The following CACNA2D3 variants were observed in gnomAD, a reference collection of about 807,000 sequenced individuals.
CACNA2D3 encodes the protein calcium voltage-gated channel auxiliary subunit alpha2delta 3.
A neutral mutation model predicts 160.6 loss-of-function variants in CACNA2D3; 60 were observed. The ratio of observed to expected loss-of-function variants is 0.37; its 90% CI spans 0.30 to 0.46. The LOEUF (loss-of-function observed/expected upper bound fraction) is 0.46, where lower values mean the gene tolerates loss of function less well. Among genes scored for constraint, CACNA2D3 ranks in the 20% least tolerant of loss-of-function variants. The pLI is 1.00. For missense variants in CACNA2D3, 1,205 were observed against 1,365.0 expected (o/e 0.88, Z 1.85); for synonymous variants, 558 against 492.9 (o/e 1.13, Z -1.75).
intron 35 of CACNA2D3, among the ~76,000 whole-genome samples, chr3:55,040,152 G>A (rs1049096266): frequency 2.0e-5 from 3 of 152,014 alleles, no homozygotes; most frequent in Non-Finnish European, 1.5e-5. Flanking sequence ...GTTCGTCTCT[G>A]GTTTCTTCTT....
intron 2 of CACNA2D3, among the ~76,000 whole-genome samples, chr3:54,298,945 A>T (rs1278500481): frequency 4.3e-3 from 15 of 3,460 alleles, no homozygotes; most frequent in Admixed American, 0.018. Context: ...TCTGTTTCTT[A>T]AAAAAAAAAA....
At chr3:54,342,610 C>G (rs544010453) in intron 3 of CACNA2D3, among the ~76,000 whole-genome samples, 1 of 152,148 alleles carries the variant, frequency 6.6e-6, no homozygotes. Flanking sequence ...CTTGTGTTCC[C>G]TCCAAACCAG....
chr3:55,063,642 G>A lies in CACNA2D3; in HGVS notation c.2988-9803G>A, dbSNP rs985765564. ...ATGTTGGACAGGAAGGTGGCTTTGG[G>A]GCTGGGATGGTTGAACACGTCAGGC... On this transcript the variant is annotated intron_variant, in intron 35 of 37. Transcript: ENST00000474759. Among the ~76,000 whole-genome samples the A allele has an allele frequency of 8.5e-5, 13 of 152,234 alleles. No homozygotes were observed. The East Asian group carries it at 2.5e-3, about 30-fold the overall frequency.
chr3:54,436,442 G>C (rs1033387590), intron 4 of CACNA2D3, among the ~76,000 whole-genome samples: 1 of 152,192 alleles, frequency 6.6e-6, no homozygotes, highest in Non-Finnish European at 1.5e-5. Flanking sequence ...ATACCCAAAG[G>C]ATTGTAAATC....
intron 13 of CACNA2D3, among the ~76,000 whole-genome samples, chr3:54,765,743 T>C (rs977154803): frequency 6.6e-6 from 1 of 152,186 alleles, no homozygotes; most frequent in Admixed American, 6.5e-5. Flanking sequence ...ACACAGTTTC[T>C]ACAATTAAAA....
chr3:54,770,772 T>C (rs1232535819), intron 13 of CACNA2D3, among the ~76,000 whole-genome samples: 1 of 152,214 alleles, frequency 6.6e-6, no homozygotes, highest in East Asian at 1.9e-4. Context: ...TTGATGCCAG[T>C]GGTAATTTTA....
chr3:54,866,915 G>C (rs72876010), intron 17 of CACNA2D3, among the ~76,000 whole-genome samples: 2 of 152,076 alleles, frequency 1.3e-5, no homozygotes, highest in African/African-American at 4.8e-5. Context: ...ACTCCACCTC[G>C]AAGTATTTCA....
rs577862984 is a variant in CACNA2D3, at chr3:54,253,078, A to T, written c.205-67364A>T. ...TGAAATTGGTCCTTTAATATTAAAG[A>T]TTCAAAACTGCCCTGAGTTTAACCA... On this transcript the variant is annotated intron_variant, in intron 2 of 37. Coordinates refer to ENST00000474759, the MANE Select transcript of CACNA2D3 (RefSeq NM_018398.3). 1.2e-4 allele frequency among the ~76,000 whole-genome samples: 18 copies of T among 149,388 alleles called. No homozygotes were observed. In the East Asian group the frequency reaches 3.3e-3, roughly 28 times the overall value.
In CACNA2D3 at chr3:55,062,951, A is replaced by G. The variant is rs189460219; in HGVS notation, c.2988-10494A>G. Among the ~76,000 whole-genome samples, 422 of 152,346 alleles carry G rather than the reference A, an allele frequency of 2.8e-3. 1 individual carries two copies. The highest frequency in any genetic ancestry group is 5.0e-3 in the Non-Finnish European group (337 of 68,032). Reference sequence around the variant, plus strand: ...TCCTAGTCATTTCCAGTGTAGCAGTACAAGGATGGCAAAGTCGCTGTGAGC... The same window carrying G: ...TCCTAGTCATTTCCAGTGTAGCAGTGCAAGGATGGCAAAGTCGCTGTGAGC... On this transcript the variant is annotated intron_variant, in intron 35 of 37. Transcript: ENST00000474759.
chr3:54,492,081 G>A (rs1001431257), intron 4 of CACNA2D3, among the ~76,000 whole-genome samples: 1 of 152,140 alleles, frequency 6.6e-6, no homozygotes, highest in African/African-American at 2.4e-5. Context: ...AGATAAACTG[G>A]TGATTAGGCC....
intron 2 of CACNA2D3, among the ~76,000 whole-genome samples, chr3:54,279,815 C>T (rs1702829275): frequency 6.6e-6 from 1 of 152,166 alleles, no homozygotes; most frequent in South Asian, 2.1e-4. Flanking sequence ...GTAGCTGCCT[C>T]AACTCCATGT....
At chr3:54,788,741 G>A (rs1456603280) in intron 13 of CACNA2D3, among the ~76,000 whole-genome samples, 3 of 152,124 alleles carry the variant, frequency 2.0e-5, no homozygotes, top group African/African-American at 7.2e-5. Context: ...ACTTCATTGG[G>A]TCAGGTGCTA....
In CACNA2D3 at chr3:54,590,241, T is replaced by A. The variant is rs149012141; in HGVS notation, c.963+8364T>A. The stretch of plus-strand genomic sequence containing the variant: ...TTAGTAATTAAAAAAACAACAGCAA[T>A]CTATTGATAGATACATCCAAGAATG... On this transcript the variant is annotated intron_variant, in intron 9 of 37. Transcript: ENST00000474759. Among the ~76,000 whole-genome samples, 24 of 152,206 alleles carry A rather than the reference T, an allele frequency of 1.6e-4. No individual in the cohort carries two copies. The East Asian group carries it at 4.4e-3, about 28-fold the overall frequency.
chr3:54,341,608 A>G (rs961687114), intron 3 of CACNA2D3, among the ~76,000 whole-genome samples: 1 of 152,184 alleles, frequency 6.6e-6, no homozygotes, highest in African/African-American at 2.4e-5. Flanking sequence ...TACTGCTACT[A>G]GCGTCCCCTT....
intron 27 of CACNA2D3, among the ~76,000 whole-genome samples, chr3:54,966,436 G>A (rs975509471): frequency 3.3e-5 from 5 of 152,178 alleles, no homozygotes; most frequent in African/African-American, 9.7e-5. Context: ...GTCTGGCCAC[G>A]TGGCCCACAT....
At position 54,889,284 on chromosome 3, in the gene CACNA2D3, G is replaced by A. The variant is rs145393306; in HGVS notation, c.2150+1232G>A. Among the ~76,000 whole-genome samples, 1,320 of 152,280 alleles carry A rather than the reference G, an allele frequency of 8.7e-3. 10 individuals are homozygous for A. The highest frequency in any genetic ancestry group is 0.014 in the Non-Finnish European group (960 of 68,016). On this transcript the variant is annotated intron_variant, in intron 24 of 37. Coordinates refer to ENST00000474759, the MANE Select transcript of CACNA2D3 (RefSeq NM_018398.3). ...TTTAAGAAGGGGAAGAAAATGATCA[G>A]ATTTTCATTTTACAAAAAGATCTCT...
chr3:54,809,900 A>G (rs948663529), intron 13 of CACNA2D3, among the ~76,000 whole-genome samples: 1 of 152,194 alleles, frequency 6.6e-6, no homozygotes, highest in Non-Finnish European at 1.5e-5. Flanking sequence ...GTCCCTCGGT[A>G]GATCTTATAT....
chr3:54,421,248 T>G (rs1699832411), intron 4 of CACNA2D3, among the ~76,000 whole-genome samples: 1 of 152,216 alleles, frequency 6.6e-6, no homozygotes, highest in Non-Finnish European at 1.5e-5. Context: ...GACAAATCTT[T>G]CCTTGGGTGA....
At position 54,800,070 on chromosome 3, in the gene CACNA2D3, A is replaced by G. The variant is rs571325722; in HGVS notation, c.1381-16783A>G. 5.3e-5 allele frequency among the ~76,000 whole-genome samples: 8 copies of G among 152,324 alleles called. No individual in the cohort carries two copies. In the East Asian group the frequency reaches 1.2e-3, roughly 22 times the overall value. On this transcript the variant is annotated intron_variant, in intron 13 of 37. Coordinates refer to ENST00000474759, the MANE Select transcript of CACNA2D3 (RefSeq NM_018398.3). ...TAAAACCAGCAGCTTAGAGCATCCA[A>G]CTGGAAGCAGTCACAATGTTGAAAA...
Sources: allele counts gnomAD v4.1 joint callset (sites outside exome capture counted in the v4.1 genomes callset), GRCh38; gene constraint gnomAD v4.1.1; transcripts MANE v1.5; gene names NCBI Gene and HGNC (gene_info 2026-07-23, HGNC 2026-07-21).